The following PSMF1 variants were observed in gnomAD, a reference collection of about 807,000 sequenced individuals.
PSMF1 encodes the protein proteasome inhibitor subunit 1, also known as proteasome inhibitor PI31 subunit.
In PSMF1, 30 loss-of-function variants were observed where a neutral mutation model predicts 29.3. The ratio of observed to expected loss-of-function variants is 1.02; its 90% CI spans 0.77 to 1.39. PSMF1 has a LOEUF of 1.39. Among genes scored for constraint, PSMF1 ranks in the 40% most tolerant of loss-of-function variants. The pLI, the probability that PSMF1 is intolerant of heterozygous loss-of-function variation, is 0.00. For missense variants in PSMF1, 344 were observed against 357.5 expected (o/e 0.96, Z 0.31); for synonymous variants, 134 against 139.7 (o/e 0.96, Z 0.29).
Position 1,165,389 on chromosome 20 carries a change from C to T in PSMF1, c.*309C>T, listed in dbSNP as rs772132109. Reference sequence around the variant, plus strand: ...GGCAACCTTCAGCAACATATATCCTCGACCAGATGCAGTGCTATAAGAACA... The same window carrying T: ...GGCAACCTTCAGCAACATATATCCTTGACCAGATGCAGTGCTATAAGAACA... On this transcript the variant is annotated 3_prime_UTR_variant, in exon 7 of 7. Coordinates refer to ENST00000335877, the MANE Select transcript of PSMF1 (RefSeq NM_006814.5). 2.0e-5 allele frequency: 25 copies of T among 1,279,302 alleles called. No individual in the cohort carries two copies. The highest frequency in any genetic ancestry group is 1.8e-4 in the African/African-American group (12 of 66,540). 79.2% of individuals were successfully genotyped at this position (1,279,302 alleles called of 1,614,324 possible).
chr20:1,162,275 G>A (rs1438937657), intron 4 of PSMF1, among the ~76,000 whole-genome samples: 4 of 151,890 alleles, frequency 2.6e-5, no homozygotes, highest in Non-Finnish European at 5.9e-5. Flanking sequence ...TTTATGTAAG[G>A]TTTTTTTGGT....
At chr20:1,120,155 C>G (rs1443137044) in intron 1 of PSMF1, among the ~76,000 whole-genome samples, 3 of 152,068 alleles carry the variant, frequency 2.0e-5, no homozygotes, top group African/African-American at 7.2e-5. Context: ...ACACTTTACC[C>G]CCTCCAGCAG....
At chr20:1,124,383 G>A (rs938953213) in intron 1 of PSMF1, among the ~76,000 whole-genome samples, 4 of 152,246 alleles carry the variant, frequency 2.6e-5, no homozygotes, top group Admixed American at 6.5e-5. Context: ...AAAATGGCAA[G>A]CATTTTACCC....
chr20:1,144,759 A>C (rs1426961734), intron 4 of PSMF1, among the ~76,000 whole-genome samples: 1 of 152,216 alleles, frequency 6.6e-6, no homozygotes, highest in Non-Finnish European at 1.5e-5. Flanking sequence ...AGTGGTTGCC[A>C]GGGGTTATGA....
chr20:1,164,921 C>T lies in PSMF1; in HGVS notation c.765-108C>T, dbSNP rs910054045. On this transcript the variant is annotated intron_variant, in intron 6 of 6. Coordinates refer to ENST00000335877, the MANE Select transcript of PSMF1 (RefSeq NM_006814.5). This position sits in a 1 kb window ranked among gnomAD's most constrained non-coding sequence, Gnocchi z 4.1. ...AGTGCATGTGTTTAAATTCCTCACA[C>T]CGCCACATCATGTTGAAGGGCAGGC... 3 of 999,798 alleles carry T rather than the reference C, an allele frequency of 3.0e-6. No homozygotes were observed. The highest frequency in any genetic ancestry group is 4.7e-6 in the Non-Finnish European group (3 of 636,202). 61.9% of individuals were successfully genotyped at this position (999,798 alleles called of 1,614,324 possible). A position where few individuals can be genotyped will look rare whatever the true frequency, so the allele number is the denominator to read the frequency against.
At chr20:1,115,770 T>A (rs1172243864), upstream of PSMF1, among the ~76,000 whole-genome samples, 1 of 151,510 alleles carries the variant, frequency 6.6e-6, no homozygotes, top group Non-Finnish European at 1.5e-5. Flanking sequence ...TCTCTCTTTA[T>A]CACCCAGGCT....
At position 1,163,517 on chromosome 20, in the gene PSMF1, C is replaced by G. The variant is rs556841252; in HGVS notation, c.605+334C>G. Among the ~76,000 whole-genome samples the G allele has an allele frequency of 2.3e-4, 35 of 152,286 alleles. No homozygotes were observed. In the South Asian group the frequency reaches 6.6e-3, roughly 29 times the overall value. ...CAGCTCAGGGCTATTCAGAGGTTGC[C>G]CCACTTAATAAAGGGAGTCTCTGAG... On this transcript the variant is annotated intron_variant, in intron 5 of 6. Transcript: ENST00000335877. This position sits in a 1 kb window ranked among gnomAD's most constrained non-coding sequence, Gnocchi z 6.1.
At chr20:1,138,109 T>C (rs1055224614) in intron 4 of PSMF1, among the ~76,000 whole-genome samples, 118 of 152,300 alleles carry the variant, frequency 7.7e-4, no homozygotes, top group African/African-American at 2.7e-3. Context: ...CTCCAAAAAA[T>C]AGAAGAGGAG....
chr20:1,122,295 CTTT>C (rs144183769), intron 1 of PSMF1, among the ~76,000 whole-genome samples: 147 of 131,612 alleles, frequency 1.1e-3, no homozygotes, highest in Middle Eastern at 3.8e-3. Context: ...TTTTTCTTTT[CTTT>C]TTTTTTTTTT....
chr20:1,160,149 G>A (rs532413789), intron 4 of PSMF1, among the ~76,000 whole-genome samples: 2 of 152,002 alleles, frequency 1.3e-5, no homozygotes, highest in South Asian at 2.1e-4. Flanking sequence ...CACTGTTTAC[G>A]CTCTCGGTAC....
intron 2 of PSMF1, 125 bp downstream of exon 2, chr20:1,125,775 T>C: frequency 7.8e-7 from 1 of 1,285,432 alleles, no homozygotes; most frequent in Non-Finnish European, 1.1e-6. Context: ...TGATCCCACT[T>C]CTGGAACTTT....
chr20:1,127,719 G>T (rs969321965), intron 3 of PSMF1, among the ~76,000 whole-genome samples: 1 of 152,240 alleles, frequency 6.6e-6, no homozygotes, highest in Non-Finnish European at 1.5e-5. Flanking sequence ...AGATGGTGCA[G>T]TCAAGAGTCC....
chr20:1,147,575 A>G (rs904565917), intron 4 of PSMF1, among the ~76,000 whole-genome samples: 6 of 152,162 alleles, frequency 3.9e-5, no homozygotes, highest in Non-Finnish European at 8.8e-5. Flanking sequence ...CACAAGAGTA[A>G]GGCACTGAAC....
At chr20:1,157,219 C>T (rs1204388577) in intron 4 of PSMF1, among the ~76,000 whole-genome samples, 1 of 152,136 alleles carries the variant, frequency 6.6e-6, no homozygotes, top group Non-Finnish European at 1.5e-5. Flanking sequence ...GTGGATATGC[C>T]TTCTCCAGCC....
At position 1,144,935 on chromosome 20, in the gene PSMF1, G is replaced by C. The variant is rs1305357964; in HGVS notation, c.551+9629G>C. Among the ~76,000 whole-genome samples the C allele has an allele frequency of 2.0e-5, 3 of 152,102 alleles. No individual in the cohort carries two copies. In the East Asian group the frequency reaches 5.8e-4, roughly 29 times the overall value. ...TTTTTAGACAGAGTCACCCAGTGTG[G>C]AGTGCAGTGGTGCGATCTCGGCTCA... On this transcript the variant is annotated intron_variant, in intron 4 of 6. Coordinates refer to ENST00000335877, the MANE Select transcript of PSMF1 (RefSeq NM_006814.5).
intron 4 of PSMF1, among the ~76,000 whole-genome samples, chr20:1,155,946 A>G (rs973901386): frequency 2.0e-5 from 3 of 152,250 alleles, no homozygotes; most frequent in Admixed American, 6.5e-5. Flanking sequence ...CGATGTCAGT[A>G]TTAAGATGAC....
chr20:1,135,043 C>CCGTCGT, intron 3 of PSMF1, 78 bp from the exon 4 acceptor site: 1 of 1,482,708 alleles, frequency 6.7e-7, no homozygotes, highest in Non-Finnish European at 9.4e-7. Flanking sequence ...GCCGCCGCCG[C>CCGTCGT]CGTCGTTGCA....
At position 1,123,016 on chromosome 20, in the gene PSMF1, A is replaced by G. The variant is rs151224986; in HGVS notation, c.130-2482A>G. Among the ~76,000 whole-genome samples, 980 of 152,358 alleles carry G rather than the reference A, an allele frequency of 6.4e-3. 6 individuals carry two copies. Among genetic ancestry groups the G allele is most frequent in the Middle Eastern group, 0.01 (3 of 294 alleles). On this transcript the variant is annotated intron_variant, in intron 1 of 6. Coordinates refer to ENST00000335877, the MANE Select transcript of PSMF1 (RefSeq NM_006814.5). ...AGTAAACAAATCCACGACACTAAAC[A>G]CTAAACATATTCGGGAAATTTACCC... is the stretch of plus-strand genomic sequence containing the variant.
At chr20:1,155,183 T>C (rs1293935447) in intron 4 of PSMF1, among the ~76,000 whole-genome samples, 1 of 152,188 alleles carries the variant, frequency 6.6e-6, no homozygotes, top group African/African-American at 2.4e-5. Context: ...GAAATGAACA[T>C]TGGCGTGGAC....
Sources: gnomAD v4.1 joint callset for allele counts (sites outside exome capture counted in the v4.1 genomes callset) on GRCh38, gnomAD v4.1.1 for gene constraint, Gnocchi (gnomAD v3.1) non-coding constraint, MANE v1.5 for transcripts, NCBI Gene and HGNC (gene_info 2026-07-23, HGNC 2026-07-21) for gene names.